Variants in CARD9 observed in about 807,000 individuals in gnomAD.
CARD9 encodes the protein caspase recruitment domain family member 9, also known as caspase recruitment domain-containing protein 9.
A neutral mutation model predicts 66.0 loss-of-function variants in CARD9; 53 were observed. That is an observed-to-expected ratio of 0.80 (90% CI 0.64 to 1.01). The LOEUF (loss-of-function observed/expected upper bound fraction) is 1.01. Among genes scored for constraint, CARD9 ranks in the 50% least tolerant of loss-of-function variants. The pLI, the probability that CARD9 is intolerant of heterozygous loss-of-function variation, is 0.00. For missense variants in CARD9, 769 were observed against 743.2 expected, an observed-to-expected ratio of 1.03 and a Z score of -0.40; for synonymous variants, 387 against 313.8, an observed-to-expected ratio of 1.23 and a Z score of -2.47.
At chr9:136,372,236 C>T in intron 1 of CARD9, 142 bp from the exon 2 acceptor site, 2 of 1,185,104 alleles carry the variant, frequency 1.7e-6, no homozygotes, top group Non-Finnish European at 2.4e-6. Flanking sequence ...AGGAGAGGTG[C>T]CCAGCTCCAT....
intron 2 of CARD9, 23 bp downstream of exon 2, chr9:136,371,872 G>A: frequency 6.3e-7 from 1 of 1,576,272 alleles, no homozygotes. Context: ...TTTGGGGCCT[G>A]GGGCCCGCGG....
chr9:136,369,722 G>GC, intron 7 of CARD9, 28 bp downstream of exon 7: 1 of 1,572,916 alleles, frequency 6.4e-7, no homozygotes, highest in Non-Finnish European at 8.6e-7. Flanking sequence ...CGAGTGGGGT[G>GC]CTTTGTCCTG....
In CARD9 at chr9:136,371,438, G is replaced by A. The variant is rs767522068; in HGVS notation, c.208C>T (p.Arg70Trp). Residue 70 changes from arginine (R) to tryptophan (W), a missense_variant, in exon 3 of 13, where the codon CGG becomes TGG. Coordinates refer to ENST00000371732, the MANE Select transcript of CARD9 (RefSeq NM_052813.5). ...GCCACGTAGCCCTTGTGGCCGGTCC[G>A]CTGCAGGATGTCCAGGAGCACACCT... is the stretch of plus-strand genomic sequence containing the variant. ...KVGVLLDILQ[R>W]TGHKGYVAFL... The A allele has an allele frequency of 8.9e-6, 14 of 1,580,782 alleles. No homozygotes were observed. The highest frequency in any genetic ancestry group is 1.3e-5 in the African/African-American group (1 of 74,316).
Position 136,367,842 on chromosome 9 carries a change from AC to A in CARD9, c.1078-15del, listed in dbSNP as rs1189434909. The A allele has an allele frequency of 6.3e-7, 1 of 1,590,076 alleles. No individual in the cohort carries two copies. The highest frequency in any genetic ancestry group is 1.7e-5 in the Admixed American group (1 of 59,636). On this transcript the variant is annotated splice_polypyrimidine_tract_variant and intron_variant, in intron 7 of 12. Transcript: ENST00000371732. ...CGTGGCTATGGCCTGACGGGACAGC[AC>A]AAGGCCGACCCTCAGTGAGGGCCCC...
intron 2 of CARD9, 54 bp from the exon 3 acceptor site, chr9:136,371,515 GGGGT>G: frequency 6.7e-7 from 1 of 1,497,280 alleles, no homozygotes; most frequent in Non-Finnish European, 9.1e-7. Flanking sequence ...GCAGAGGGCT[GGGGT>G]GGGTGGGCCT....
intron 10 of CARD9, 33 bp from the exon 11 acceptor site, chr9:136,365,250 C>T (rs1369609761): frequency 8.1e-6 from 13 of 1,600,492 alleles, no homozygotes; most frequent in Non-Finnish European, 1.0e-5. Context: ...TGGGACCTGC[C>T]CATCTGCTGG....
chr9:136,365,495 G>A (rs1833102530), intron 10 of CARD9: 1 of 544,958 alleles, frequency 1.8e-6, no homozygotes, highest in East Asian at 3.1e-5. Context: ...TGCCAGGGAG[G>A]AACGCCTCCC....
intron 1 of CARD9, 40 bp downstream of exon 1, chr9:136,373,492 C>T: frequency 1.0e-6 from 1 of 985,594 alleles, no homozygotes; most frequent in Non-Finnish European, 1.2e-6. Context: ...CCAACGCCAA[C>T]CTTCCTGGCC....
intron 1 of CARD9, 55 bp downstream of exon 1, chr9:136,373,477 C>T: frequency 1.0e-6 from 1 of 985,310 alleles, no homozygotes; most frequent in Non-Finnish European, 1.2e-6. Flanking sequence ...GGATCCTGAA[C>T]TAGGCCAACG....
chr9:136,372,184 G>A, intron 1 of CARD9, 90 bp from the exon 2 acceptor site: 3 of 1,534,986 alleles, frequency 2.0e-6, no homozygotes, highest in Non-Finnish European at 2.6e-6. Flanking sequence ...CTGGGCCAGG[G>A]CTCTCGTCAG....
intron 9 of CARD9, 130 bp from the exon 10 acceptor site, chr9:136,366,975 C>T (rs1365166055): frequency 8.5e-7 from 1 of 1,178,376 alleles, no homozygotes; most frequent in African/African-American, 1.5e-5. Context: ...CAGAGCTTCT[C>T]AGAGACTCAG....
At chr9:136,372,788 C>T (rs970786420) in intron 1 of CARD9, among the ~76,000 whole-genome samples, 1 of 152,256 alleles carries the variant, frequency 6.6e-6, no homozygotes, top group Non-Finnish European at 1.5e-5. Context: ...AGGAGCGTGT[C>T]TCTGTCACCC....
chr9:136,365,513 G>A (rs1039613776), intron 10 of CARD9: 9 of 527,932 alleles, frequency 1.7e-5, no homozygotes, highest in African/African-American at 3.8e-5. Flanking sequence ...CCCAGACCTC[G>A]GGGGAACTTA....
intron 7 of CARD9, among the ~76,000 whole-genome samples, chr9:136,368,655 C>T (rs72775751): frequency 3.9e-3 from 592 of 152,348 alleles, no homozygotes; most frequent in Non-Finnish European, 5.7e-3. Context: ...GAAGCAGACA[C>T]AGCCCTGCCC....
chr9:136,370,435 C>T lies in CARD9; in HGVS notation c.810G>A (p.Glu270=), dbSNP rs1268643152. 3 of 1,610,752 alleles carry T rather than the reference C, an allele frequency of 1.9e-6. No individual in the cohort carries two copies. The highest frequency in any genetic ancestry group is 2.5e-6 in the Non-Finnish European group (3 of 1,179,260). Residue 270 remains glutamate, a splice_region_variant and synonymous_variant, in exon 6 of 13, where the codon GAG becomes GAA. Coordinates refer to ENST00000371732, the MANE Select transcript of CARD9 (RefSeq NM_052813.5). ...RVQELEASVQ[E]GKLDRSSPYI... is the part of the protein sequence containing the mutation. ...AGGGGCTGCTCCTGTCCAGCTTCCC[C>T]TCCTGAAGGGGGCAAAAGGCAATGG... is the stretch of plus-strand genomic sequence containing the variant.
chr9:136,364,721 C>G, intron 11 of CARD9, 162 bp from the exon 12 acceptor site: 1 of 701,126 alleles, frequency 1.4e-6, no homozygotes, highest in Non-Finnish European at 2.3e-6. Flanking sequence ...CCTGCCTGTA[C>G]CCCTGGAGGT....
chr9:136,371,602 G>A, intron 2 of CARD9, 141 bp from the exon 3 acceptor site: 1 of 1,360,020 alleles, frequency 7.4e-7, no homozygotes, highest in Non-Finnish European at 9.9e-7. Flanking sequence ...GAGGTACCCT[G>A]CGGGTCTTGG....
intron 6 of CARD9, 122 bp downstream of exon 6, chr9:136,370,172 G>A (rs1203667729): frequency 1.3e-6 from 2 of 1,487,658 alleles, no homozygotes; most frequent in South Asian, 2.6e-5. Context: ...CCAGGAGTGG[G>A]TGAGTGGAGG....
chr9:136,365,036 C>T, intron 11 of CARD9, 105 bp downstream of exon 11: 1 of 1,093,564 alleles, frequency 9.1e-7, no homozygotes, highest in Non-Finnish European at 1.4e-6. Flanking sequence ...CCTCAGCTGT[C>T]GTCGGGGCCA....
Sources: gnomAD v4.1 joint callset for allele counts (sites outside exome capture counted in the v4.1 genomes callset) on GRCh38, gnomAD v4.1.1 for gene constraint, MANE v1.5 for transcripts, NCBI Gene and HGNC (gene_info 2026-07-23, HGNC 2026-07-21) for gene names.